The following PCDH9 variants were observed in gnomAD, a reference collection of about 807,000 sequenced individuals.
PCDH9 encodes the protein protocadherin-9.
PCDH9 carries 24 observed loss-of-function variants against 70.6 expected under a neutral mutation model. The observed-to-expected ratio is 0.34, with a 90% CI of 0.25 to 0.48. The LOEUF is 0.48. Among genes scored for constraint, PCDH9 ranks in the 20% least tolerant of loss-of-function variants. The pLI, the probability that PCDH9 is intolerant of heterozygous loss-of-function variation, is 0.99. For synonymous variants in PCDH9, 562 were observed against 558.5 expected (o/e 1.01, Z -0.09); for missense variants, 1,281 against 1,503.6 (o/e 0.85, Z 2.45).
chr13:66,342,796 G>GTATTTATTTATT (rs869028823), intron 4 of PCDH9, among the ~76,000 whole-genome samples: 159 of 18,032 alleles, frequency 8.8e-3, no homozygotes, highest in African/African-American at 0.01. Context: ...TTTATTTATT[G>GTATTTATTTATT]TATTTATTTA....
intron 4 of PCDH9, among the ~76,000 whole-genome samples, chr13:66,410,406 C>T (rs1957349875): frequency 6.6e-6 from 1 of 152,154 alleles, no homozygotes; most frequent in African/African-American, 2.4e-5. Flanking sequence ...TGTAATCCCA[C>T]AAGTAATGCT....
chr13:66,463,955 T>C (rs1405653727), intron 4 of PCDH9, among the ~76,000 whole-genome samples: 5 of 151,270 alleles, frequency 3.3e-5, no homozygotes, highest in African/African-American at 1.2e-4. Flanking sequence ...AAACAATTCA[T>C]TGGCATTAAA....
intron 4 of PCDH9, among the ~76,000 whole-genome samples, chr13:66,354,492 G>C (rs976003539): frequency 6.6e-6 from 1 of 151,934 alleles, no homozygotes; most frequent in African/African-American, 2.4e-5. Flanking sequence ...TTGCCTCTCT[G>C]TTGCAAAGCT....
At chr13:66,472,396 C>A (rs1016280628) in intron 4 of PCDH9, among the ~76,000 whole-genome samples, 2 of 149,306 alleles carry the variant, frequency 1.3e-5, no homozygotes, top group African/African-American at 2.5e-5. Flanking sequence ...TTGGCAAAAC[C>A]TCATCTCTAC....
intron 3 of PCDH9, among the ~76,000 whole-genome samples, chr13:66,869,261 G>C (rs1308904084): frequency 6.6e-6 from 1 of 152,076 alleles, no homozygotes; most frequent in East Asian, 1.9e-4. Context: ...GCAATGAAGA[G>C]TTTTAATAGT....
intron 2 of PCDH9, among the ~76,000 whole-genome samples, chr13:66,928,033 A>C (rs1455510715): frequency 1.3e-5 from 2 of 152,096 alleles, no homozygotes; most frequent in East Asian, 3.9e-4. Flanking sequence ...AACCAGAGTA[A>C]GGGTGGAAAT....
intron 4 of PCDH9, among the ~76,000 whole-genome samples, chr13:66,355,345 A>G (rs903861764): frequency 6.6e-6 from 1 of 152,048 alleles, no homozygotes; most frequent in South Asian, 2.1e-4. Context: ...CCTAATATCC[A>G]TGTTTCCAGC....
intron 3 of PCDH9, among the ~76,000 whole-genome samples, chr13:66,682,007 T>C (rs1024723735): frequency 6.7e-6 from 1 of 150,096 alleles, no homozygotes; most frequent in Non-Finnish European, 1.5e-5. Context: ...GTTTTGGTTT[T>C]AGTTTTCATG....
chr13:67,022,280 G>T (rs765234902), intron 2 of PCDH9, among the ~76,000 whole-genome samples: 6 of 151,550 alleles, frequency 4.0e-5, no homozygotes, highest in Non-Finnish European at 7.4e-5. Flanking sequence ...GCACCACCAC[G>T]CCTGGCTAAT....
At chr13:66,962,446 A>G (rs1444260591) in intron 2 of PCDH9, among the ~76,000 whole-genome samples, 6 of 152,212 alleles carry the variant, frequency 3.9e-5, no homozygotes, top group Non-Finnish European at 8.8e-5. Context: ...GAAATGTGTC[A>G]TTGGGCAATT....
intron 4 of PCDH9, among the ~76,000 whole-genome samples, chr13:66,368,241 T>C (rs1298408416): frequency 6.6e-6 from 1 of 152,068 alleles, no homozygotes; most frequent in Non-Finnish European, 1.5e-5. Flanking sequence ...AATTTTAATG[T>C]AAAAATTAAT....
intron 2 of PCDH9, among the ~76,000 whole-genome samples, chr13:67,045,394 A>C (rs2085203584): frequency 6.6e-6 from 1 of 152,044 alleles, no homozygotes; most frequent in African/African-American, 2.4e-5. Flanking sequence ...AGTCTATGTT[A>C]CTTTGAATAC....
chr13:67,226,211 T>C lies in PCDH9; in HGVS notation c.2230A>G (p.Thr744Ala). ...NITLEEKPAP[T>A]DVGLHRLVVN... ...ACCAAACGATGCAATCCCACATCAG[T>C]AGGTGCTGGTTTTTCTTCCAGAGTA... The change falls in exon 2 of 5, where the codon ACT becomes GCT. Residue 744 changes from threonine to alanine, a missense_variant. Physicochemically the swap from Thr to Ala is moderately conservative, Grantham distance 58 (BLOSUM62 0). Coordinates refer to ENST00000377865, the MANE Select transcript of PCDH9 (RefSeq NM_203487.3). The surrounding 1 kb of genome is among the most constrained non-coding windows in gnomAD (Gnocchi z 5.0). 6.2e-7 allele frequency: 1 copy of C among 1,614,114 alleles called. No homozygotes were observed. The highest frequency in any genetic ancestry group is 8.5e-7 in the Non-Finnish European group (1 of 1,179,986).
At chr13:66,884,272 A>C (rs2081970811) in intron 3 of PCDH9, among the ~76,000 whole-genome samples, 1 of 152,174 alleles carries the variant, frequency 6.6e-6, no homozygotes, top group African/African-American at 2.4e-5. Context: ...CTTAAAATTC[A>C]TCCACTACTG....
chr13:67,150,929 C>T (rs140212907), intron 2 of PCDH9, among the ~76,000 whole-genome samples: 1 of 152,162 alleles, frequency 6.6e-6, no homozygotes, highest in South Asian at 2.1e-4. Flanking sequence ...CTTTGTAAGT[C>T]TCACTGCCCA....
intron 3 of PCDH9, among the ~76,000 whole-genome samples, chr13:66,868,095 C>T (rs538327594): frequency 5.9e-5 from 9 of 151,888 alleles, no homozygotes; most frequent in South Asian, 2.1e-4. Flanking sequence ...ATATAAATGA[C>T]GAAATGTAAT....
At chr13:66,320,101 A>T (rs1466706819) in intron 4 of PCDH9, among the ~76,000 whole-genome samples, 1 of 152,114 alleles carries the variant, frequency 6.6e-6, no homozygotes, top group Non-Finnish European at 1.5e-5. Flanking sequence ...TATTGTCTTT[A>T]ATATTTTAGT....
At chr13:67,224,980 G>A in intron 2 of PCDH9, 1 of 1,020,196 alleles carries the variant, frequency 9.8e-7, no homozygotes, top group Non-Finnish European at 1.2e-6. Flanking sequence ...CATAATTGCA[G>A]TCACACCTTC....
intron 4 of PCDH9, among the ~76,000 whole-genome samples, chr13:66,471,949 G>A (rs373325873): frequency 1.2e-4 from 18 of 152,176 alleles, no homozygotes; most frequent in African/African-American, 3.9e-4. Flanking sequence ...AGTGGTTCGC[G>A]CCTGTAAACC....
Sources: allele counts gnomAD v4.1 joint callset (sites outside exome capture counted in the v4.1 genomes callset), GRCh38; gene constraint gnomAD v4.1.1; non-coding constraint Gnocchi (gnomAD v3.1); transcripts MANE v1.5; gene names NCBI Gene and HGNC (gene_info 2026-07-23, HGNC 2026-07-21).